The following TGFBR1 variants were observed in gnomAD, a reference collection of about 807,000 sequenced individuals.
The protein encoded by TGFBR1 is TGF-beta receptor type-1.
Under a neutral mutation model 55.1 loss-of-function variants are expected in TGFBR1, and 20 were observed. The observed-to-expected ratio is 0.36, with a 90% CI of 0.26 to 0.53. TGFBR1 has a LOEUF of 0.53. Ranked by LOEUF, TGFBR1 falls within the 20% of genes least tolerant of loss-of-function variation. The probability of loss-of-function intolerance (pLI) is 0.91; values close to 1 mark genes in which losing one functional copy is unlikely to be tolerated. For synonymous variants in TGFBR1, 220 were observed against 214.8 expected, an observed-to-expected ratio of 1.02 and a Z score of -0.21; for missense variants, 385 against 617.6, an observed-to-expected ratio of 0.62 and a Z score of 3.99.
chr9:99,138,942 C>T (rs1407329122), intron 4 of TGFBR1, among the ~76,000 whole-genome samples: 2 of 151,976 alleles, frequency 1.3e-5, no homozygotes, highest in Admixed American at 6.6e-5. Flanking sequence ...GGACTACAGG[C>T]GTGCACCACC....
chr9:99,118,794 G>C (rs1300584828), intron 1 of TGFBR1, among the ~76,000 whole-genome samples: 1 of 151,710 alleles, frequency 6.6e-6, no homozygotes, highest in Non-Finnish European at 1.5e-5. Context: ...CTACAGGTGC[G>C]TGCCACCACA....
chr9:99,112,178 G>A (rs544025935), intron 1 of TGFBR1, among the ~76,000 whole-genome samples: 1 of 152,350 alleles, frequency 6.6e-6, no homozygotes, highest in African/African-American at 2.4e-5. Context: ...GAATGGATCA[G>A]GGTGGCTACC....
At chr9:99,105,961 T>C (rs1826401966) in intron 1 of TGFBR1, among the ~76,000 whole-genome samples, 1 of 152,176 alleles carries the variant, frequency 6.6e-6, no homozygotes, top group African/African-American at 2.4e-5. Flanking sequence ...CCAGGGGGGC[T>C]TTGTGTGAGA....
chr9:99,105,110 C>T (rs1826361974), upstream of TGFBR1: 3 of 970,450 alleles, frequency 3.1e-6, no homozygotes, highest in South Asian at 9.5e-5. Context: ...GCGAGGCCGC[C>T]GCGGCGGCTA....
At chr9:99,136,460 GGC>G (rs1827442126) in intron 3 of TGFBR1, among the ~76,000 whole-genome samples, 1 of 152,088 alleles carries the variant, frequency 6.6e-6, no homozygotes, top group Non-Finnish European at 1.5e-5. Flanking sequence ...TCTGTGGTGT[GGC>G]CCTCTACAAG....
At chr9:99,131,716 C>A (rs1396705081) in intron 2 of TGFBR1, among the ~76,000 whole-genome samples, 2 of 151,800 alleles carry the variant, frequency 1.3e-5, no homozygotes, top group African/African-American at 2.4e-5. Flanking sequence ...TGCCTGTAAT[C>A]CCAGCACTTT....
At chr9:99,105,097 G>T, upstream of TGFBR1, 1 of 902,860 alleles carries the variant, frequency 1.1e-6, no homozygotes, top group Non-Finnish European at 1.4e-6. Flanking sequence ...ACAAAGGGCC[G>T]GAGCGAGGCC....
chr9:99,127,217 A>T (rs892966696), intron 1 of TGFBR1, among the ~76,000 whole-genome samples: 1 of 152,226 alleles, frequency 6.6e-6, no homozygotes, highest in Non-Finnish European at 1.5e-5. Context: ...GTGGCATAGC[A>T]TAGATGGCCT....
At position 99,149,695 on chromosome 9, in the gene TGFBR1, ATT is replaced by A. The variant is rs1436812123; in HGVS notation, c.*392_*393del. The A allele has an allele frequency of 3.3e-6, 1 of 306,234 alleles. No homozygotes were observed. Among genetic ancestry groups the A allele is most frequent in the Non-Finnish European group, 6.2e-6 (1 of 160,614 alleles). The allele number at this position is 306,234 out of a possible 1,614,324, so 19.0% of individuals were successfully genotyped here. On this transcript the variant is annotated 3_prime_UTR_variant, in exon 9 of 9. Transcript: ENST00000374994. ...ACATGTCTTATTACTAAAGAAAGTGATTTACTCCTGGTTAGTACATTCTCAGA... is the reference window on the plus strand; with the variant it reads ...ACATGTCTTATTACTAAAGAAAGTGATACTCCTGGTTAGTACATTCTCAGA...
intron 3 of TGFBR1, among the ~76,000 whole-genome samples, chr9:99,135,682 T>C (rs1022247004): frequency 6.6e-5 from 10 of 152,130 alleles, no homozygotes; most frequent in Admixed American, 3.9e-4. Context: ...TTGTAATATA[T>C]GCATGTTGTT....
rs1299476166 is a variant in TGFBR1 at position 99,150,690 on chromosome 9, T to TG, written c.*1386dup. 1 of 210,280 alleles carries TG rather than the reference T, an allele frequency of 4.8e-6. No individual in the cohort carries two copies. The highest frequency in any genetic ancestry group is 9.7e-6 in the Non-Finnish European group (1 of 103,232). The allele number at this position is 210,280 out of a possible 1,614,324, so 13.0% of individuals were successfully genotyped here. ...TGTGCGTACATTGCAACTGCTTACA[T>TG]GTAATTTATGTAATGCATTCAGTGC... On this transcript the variant is annotated 3_prime_UTR_variant, in exon 9 of 9. Transcript: ENST00000374994.
intron 1 of TGFBR1, among the ~76,000 whole-genome samples, chr9:99,109,209 G>C (rs145082509): frequency 3.2e-4 from 48 of 152,262 alleles, no homozygotes; most frequent in African/African-American, 1.1e-3. Flanking sequence ...AAGCCTTAAA[G>C]TTCTCAAGGA....
chr9:99,143,512 G>A (rs556619324), intron 5 of TGFBR1, among the ~76,000 whole-genome samples: 117 of 152,312 alleles, frequency 7.7e-4, no homozygotes, highest in African/African-American at 2.6e-3. Flanking sequence ...TCAGATGCCA[G>A]TATATCTCTC....
chr9:99,135,265 G>C (rs1827397043), intron 3 of TGFBR1, among the ~76,000 whole-genome samples: 1 of 152,082 alleles, frequency 6.6e-6, no homozygotes, highest in Non-Finnish European at 1.5e-5. Context: ...CCAGGCAGAA[G>C]CCATCTTCTG....
intron 1 of TGFBR1, among the ~76,000 whole-genome samples, chr9:99,111,279 A>T (rs1464800143): frequency 7.0e-6 from 1 of 142,374 alleles, no homozygotes. Context: ...AACATTTGGC[A>T]TATCCTGCAC....
Position 99,144,608 on chromosome 9 carries a change from G to T in TGFBR1, c.974-124G>T, listed in dbSNP as rs1247142376. On this transcript the variant is annotated intron_variant, in intron 5 of 8. Coordinates refer to ENST00000374994, the MANE Select transcript of TGFBR1 (RefSeq NM_004612.4). ...TGAGTTTAATAATGCCGTAAGTATTGTAGGTCATGTGGGCTGAAATGCTTT... is the reference window on the plus strand; with the variant it reads ...TGAGTTTAATAATGCCGTAAGTATTTTAGGTCATGTGGGCTGAAATGCTTT... The T allele has an allele frequency of 4.8e-6, 5 of 1,034,428 alleles. No individual in the cohort carries two copies. In the Admixed American group the frequency reaches 5.3e-5, roughly 11 times the overall value. The allele number at this position is 1,034,428 out of a possible 1,614,324, so 64.1% of individuals were successfully genotyped here.
intron 1 of TGFBR1, among the ~76,000 whole-genome samples, chr9:99,106,923 G>C (rs1334351002): frequency 1.3e-5 from 2 of 152,220 alleles, no homozygotes; most frequent in East Asian, 3.8e-4. Context: ...TAGGGAGGAA[G>C]GCAGGATAAC....
chr9:99,153,893 A>G lies in TGFBR1; in HGVS notation c.*4588A>G. The G allele has an allele frequency of 4.7e-6, 1 of 213,746 alleles. No individual in the cohort carries two copies. The highest frequency in any genetic ancestry group is 9.5e-6 in the Non-Finnish European group (1 of 105,564). The allele number at this position is 213,746 out of a possible 1,614,324, so 13.2% of individuals were successfully genotyped here. Reference sequence around the variant, plus strand: ...GGTGTGGGTCTTCCATTGGGGCATGATGGACCTGTCTACAGGTGATCTCTG... The same window carrying G: ...GGTGTGGGTCTTCCATTGGGGCATGGTGGACCTGTCTACAGGTGATCTCTG... On this transcript the variant is annotated 3_prime_UTR_variant, in exon 9 of 9. Transcript: ENST00000374994.
chr9:99,127,986 CA>C lies in TGFBR1; in HGVS notation c.98-865del, dbSNP rs575497750. On this transcript the variant is annotated intron_variant, in intron 1 of 8. Transcript: ENST00000374994. ...TACAGTTTCATAGGAGAAAGAAAAA[CA>C]AAACTAGCAATTCTGGTAAGCAGTA... 84 of 455,964 alleles carry C rather than the reference CA, an allele frequency of 1.8e-4. 1 individual carries two copies. The highest frequency in any genetic ancestry group is 1.4e-3 in the African/African-American group (72 of 50,160). 28.2% of individuals were successfully genotyped at this position (455,964 alleles called of 1,614,324 possible).
Sources: gnomAD v4.1 joint callset for allele counts (sites outside exome capture counted in the v4.1 genomes callset) on GRCh38, gnomAD v4.1.1 for gene constraint, MANE v1.5 for transcripts, NCBI Gene and HGNC (gene_info 2026-07-23, HGNC 2026-07-21) for gene names.